Variants in MAML2 observed in about 807,000 individuals in gnomAD.
MAML2 encodes mastermind like transcriptional coactivator 2.
A neutral mutation model predicts 96.1 loss-of-function variants in MAML2; 22 were observed. The observed-to-expected ratio is 0.23, with a 90% CI of 0.16 to 0.33. MAML2 has a LOEUF of 0.33. MAML2 is among the 10% of genes least tolerant of loss of function. The pLI, the probability that MAML2 is intolerant of heterozygous loss-of-function variation, is 1.00. For missense variants in MAML2, 1,367 were observed against 1,392.4 expected (o/e 0.98, Z 0.29); for synonymous variants, 561 against 521.3 (o/e 1.08, Z -1.04).
chr11:96,160,037 A>C (rs1181991974), intron 1 of MAML2, among the ~76,000 whole-genome samples: 1 of 152,170 alleles, frequency 6.6e-6, no homozygotes, highest in Non-Finnish European at 1.5e-5. Context: ...TATATGTTTT[A>C]ATAAGTTTTG....
intron 1 of MAML2, among the ~76,000 whole-genome samples, chr11:96,166,154 GTCTCTCTC>G (rs752973631): frequency 3.5e-5 from 4 of 113,762 alleles, no homozygotes; most frequent in Admixed American, 9.3e-5. Context: ...CTCTCTGTCT[GTCTCTCTC>G]TCTCTCTCTC....
In MAML2 at chr11:96,032,975, T is replaced by G. The variant is rs529296012; in HGVS notation, c.2140-41252A>C. 2.0e-5 allele frequency among the ~76,000 whole-genome samples: 3 copies of G among 152,348 alleles called. No individual in the cohort carries two copies. In the East Asian group the frequency reaches 5.8e-4, roughly 29 times the overall value. ...GGTTATGGTTACATACCTATGCGTT[T>G]GTCAAAACTTGGGGCACTTACATAC... On this transcript the variant is annotated intron_variant, in intron 2 of 4. Transcript: ENST00000524717.
At chr11:96,274,811 G>T (rs1341219801) in intron 1 of MAML2, among the ~76,000 whole-genome samples, 1 of 152,012 alleles carries the variant, frequency 6.6e-6, no homozygotes, top group Non-Finnish European at 1.5e-5. Flanking sequence ...TTCAAATATT[G>T]CTAAAAGGTC....
chr11:96,202,052 G>A (rs934387945), intron 1 of MAML2, among the ~76,000 whole-genome samples: 5 of 150,830 alleles, frequency 3.3e-5, no homozygotes, highest in South Asian at 2.1e-4. Flanking sequence ...ATTATGTTTC[G>A]GCCGGGCATG....
chr11:96,159,197 A>G (rs184591270), intron 1 of MAML2, among the ~76,000 whole-genome samples: 3 of 152,266 alleles, frequency 2.0e-5, no homozygotes, highest in Admixed American at 1.3e-4. Flanking sequence ...GTCCCTTTTG[A>G]AACTTACTGC....
chr11:96,028,957 T>A lies in MAML2; in HGVS notation c.2140-37234A>T, dbSNP rs898429442. ...TCATTCACCACATTCAGGACAGTGT[T>A]GCTTTTGCCAGATTTATGGCAACTG... On this transcript the variant is annotated intron_variant, in intron 2 of 4. Transcript: ENST00000524717. 2.3e-4 allele frequency among the ~76,000 whole-genome samples: 35 copies of A among 152,204 alleles called. 1 individual carries two copies. Among genetic ancestry groups the A allele is most frequent in the Admixed American group, 2.0e-3 (31 of 15,282 alleles).
In MAML2 at chr11:96,092,138, CT is replaced by C; in HGVS notation, c.1892del (p.Gln631ArgfsTer50). The C allele has an allele frequency of 6.5e-7, 1 of 1,547,074 alleles. No homozygotes were observed. The highest frequency in any genetic ancestry group is 8.7e-7 in the Non-Finnish European group (1 of 1,145,598). On this transcript the variant is annotated frameshift_variant, in exon 2 of 5. Transcript: ENST00000524717. LOFTEE classifies it high-confidence loss of function. This position sits in a 1 kb window ranked among gnomAD's most constrained non-coding sequence, Gnocchi z 4.1. The stretch of plus-strand genomic sequence containing the variant: ...GTTGGGCTGAAATTGAGCTCTGCTG[CT>C]GTTGCTGTTGTTGAGCTGAAATTGA... Reference protein sequence around the residue: ...QSSISAQQQQQQQSSISAQQQ... With the variant: ...QSSISAQQQQXQQSSISAQQQ...
At chr11:96,023,708 C>T (rs1200142100) in intron 2 of MAML2, among the ~76,000 whole-genome samples, 1 of 152,178 alleles carries the variant, frequency 6.6e-6, no homozygotes, top group Non-Finnish European at 1.5e-5. Flanking sequence ...GGCCTTTCCA[C>T]CTAATGGCTT....
intron 1 of MAML2, among the ~76,000 whole-genome samples, chr11:96,240,638 T>C (rs1159953948): frequency 6.6e-6 from 1 of 151,774 alleles, no homozygotes; most frequent in Non-Finnish European, 1.5e-5. Context: ...CTTATTATTA[T>C]TTTTGCAATG....
chr11:95,995,239 T>C (rs930341385), intron 2 of MAML2, among the ~76,000 whole-genome samples: 1 of 152,220 alleles, frequency 6.6e-6, no homozygotes, highest in Non-Finnish European at 1.5e-5. Flanking sequence ...TTGCAGATTA[T>C]GAGCTGCCAG....
rs142021697 is a variant in MAML2 at position 96,244,262 on chromosome 11, C to T, written c.513+97121G>A. Among the ~76,000 whole-genome samples, 340 of 152,348 alleles carry T rather than the reference C, an allele frequency of 2.2e-3. 2 individuals carry two copies. The highest frequency in any genetic ancestry group is 6.8e-3 in the Middle Eastern group (2 of 294). Reference sequence around the variant, plus strand: ...AAGAAACTACAAACATTTGACTGCACACAACAATGGTATCTTAATAAGACA... The same window carrying T: ...AAGAAACTACAAACATTTGACTGCATACAACAATGGTATCTTAATAAGACA... On this transcript the variant is annotated intron_variant, in intron 1 of 4. Transcript: ENST00000524717.
intron 1 of MAML2, among the ~76,000 whole-genome samples, chr11:96,093,736 C>G (rs552549913): frequency 6.6e-6 from 1 of 152,144 alleles, no homozygotes; most frequent in Non-Finnish European, 1.5e-5. Context: ...TCTGGAGGAG[C>G]AGATCAATTA....
chr11:96,341,553 C>A lies in MAML2; in HGVS notation c.343G>T (p.Ala115Ser). ...PPPPPAAPPA[A>S]SQAAATAAPP... ...GCTGCTGTTGCTGCTGCTTGGGAGG[C>A]CGCAGGAGGGGCAGCAGGGGGCGGT... is the stretch of plus-strand genomic sequence containing the variant. The change falls in exon 1 of 5, where the codon GCC (alanine) becomes TCC (serine). Residue 115 changes from alanine (A) to serine (S), a missense_variant. By Grantham distance (99) the Ala-to-Ser change is moderately conservative. Transcript: ENST00000524717. 1.3e-6 allele frequency: 2 copies of A among 1,551,164 alleles called. No homozygotes were observed. The highest frequency in any genetic ancestry group is 1.4e-5 in the African/African-American group (1 of 73,104).
intron 1 of MAML2, among the ~76,000 whole-genome samples, chr11:96,237,522 C>T (rs1287563443): frequency 1.3e-5 from 2 of 152,164 alleles, no homozygotes; most frequent in African/African-American, 4.8e-5. Context: ...TGTCACCTCC[C>T]GATAAGTGAA....
At chr11:96,153,593 T>C (rs1860962054) in intron 1 of MAML2, among the ~76,000 whole-genome samples, 1 of 152,172 alleles carries the variant, frequency 6.6e-6, no homozygotes, top group African/African-American at 2.4e-5. Flanking sequence ...GGCCTGTGTT[T>C]CAGTTGTCTC....
In MAML2 at chr11:95,992,994, C is replaced by T. The variant is rs142712708; in HGVS notation, c.2140-1271G>A. Among the ~76,000 whole-genome samples the T allele has an allele frequency of 1.3e-3, 198 of 152,170 alleles. 1 individual carries two copies. The highest frequency in any genetic ancestry group is 4.6e-3 in the African/African-American group (190 of 41,538). ...CTCCCAGGCTCAAGCAGTCCTCCCA[C>T]TTCAGCCTCCTAAAGTGCCTGGGAC... On this transcript the variant is annotated intron_variant, in intron 2 of 4. Coordinates refer to ENST00000524717, the MANE Select transcript of MAML2 (RefSeq NM_032427.4).
At chr11:96,098,381 A>G (rs1285156928) in intron 1 of MAML2, among the ~76,000 whole-genome samples, 1 of 152,234 alleles carries the variant, frequency 6.6e-6, no homozygotes, top group Non-Finnish European at 1.5e-5. Context: ...AATCAGCACT[A>G]CACTCAATCT....
At chr11:96,233,599 G>C (rs1451010292) in intron 1 of MAML2, among the ~76,000 whole-genome samples, 1 of 151,980 alleles carries the variant, frequency 6.6e-6, no homozygotes, top group Non-Finnish European at 1.5e-5. Flanking sequence ...GTAGAGACAG[G>C]GGTCTTGCTG....
At chr11:96,149,193 C>T (rs1442724742) in intron 1 of MAML2, among the ~76,000 whole-genome samples, 1 of 152,002 alleles carries the variant, frequency 6.6e-6, no homozygotes, top group Non-Finnish European at 1.5e-5. Context: ...GTGGGCAGAT[C>T]ACAAGGTCAG....
Sources: allele counts gnomAD v4.1 joint callset (sites outside exome capture counted in the v4.1 genomes callset), GRCh38; gene constraint gnomAD v4.1.1; non-coding constraint Gnocchi (gnomAD v3.1); transcripts MANE v1.5; gene names NCBI Gene and HGNC (gene_info 2026-07-23, HGNC 2026-07-21).